Variants in LIMS1 observed in about 807,000 individuals in gnomAD.
LIMS1 encodes LIM and senescent cell antigen-like-containing domain protein 1.
Under a neutral mutation model 44.1 loss-of-function variants are expected in LIMS1, and 18 were observed. That is an observed-to-expected ratio of 0.41 (90% CI 0.28 to 0.61). LIMS1 has a LOEUF of 0.61. Among genes scored for constraint, LIMS1 ranks in the 20% least tolerant of loss-of-function variants. The pLI is 0.32. For missense variants in LIMS1, 201 were observed against 422.0 expected, an observed-to-expected ratio of 0.48 and a Z score of 4.59; for synonymous variants, 93 against 149.1, an observed-to-expected ratio of 0.62 and a Z score of 2.74.
chr2:108,625,864 G>A (rs1368480567), intron 1 of LIMS1, among the ~76,000 whole-genome samples: 1 of 152,190 alleles, frequency 6.6e-6, no homozygotes, highest in Non-Finnish European at 1.5e-5. Flanking sequence ...TCATTTTTAA[G>A]TGGTGGGAAT....
intron 5 of LIMS1, among the ~76,000 whole-genome samples, chr2:108,675,430 G>C (rs1271939989): frequency 7.6e-6 from 1 of 130,964 alleles, no homozygotes; most frequent in Non-Finnish European, 1.7e-5. Flanking sequence ...GAGCCTTCAT[G>C]ATGTAATCAC....
intron 1 of LIMS1, among the ~76,000 whole-genome samples, chr2:108,594,511 G>T (rs187997945): frequency 2.0e-5 from 3 of 152,106 alleles, no homozygotes; most frequent in African/African-American, 7.2e-5. Context: ...TTGGCTGGCC[G>T]ACAGGAGATC....
At chr2:108,552,250 T>C (rs1015908835) in intron 1 of LIMS1, among the ~76,000 whole-genome samples, 1 of 141,040 alleles carries the variant, frequency 7.1e-6, no homozygotes, top group East Asian at 2.0e-4. Context: ...CTATATATAC[T>C]ATATATACTA....
intron 1 of LIMS1, among the ~76,000 whole-genome samples, chr2:108,610,073 G>A (rs975517120): frequency 1.3e-5 from 2 of 152,070 alleles, no homozygotes; most frequent in African/African-American, 4.8e-5. Flanking sequence ...AACCTGGGAG[G>A]TGGAGCTTGC....
intron 1 of LIMS1, among the ~76,000 whole-genome samples, chr2:108,614,148 A>G (rs1025813554): frequency 2.0e-5 from 3 of 152,174 alleles, no homozygotes; most frequent in African/African-American, 7.2e-5. Context: ...GACTCTCCGC[A>G]TGTGACTTTT....
chr2:108,627,980 C>T (rs1181923423), intron 1 of LIMS1, among the ~76,000 whole-genome samples: 4 of 152,204 alleles, frequency 2.6e-5, no homozygotes, highest in Non-Finnish European at 5.9e-5. Context: ...TTTCTGGACA[C>T]CAGAAGTCAG....
At chr2:108,597,480 C>G (rs996092587) in intron 1 of LIMS1, among the ~76,000 whole-genome samples, 1 of 152,088 alleles carries the variant, frequency 6.6e-6, no homozygotes, top group Non-Finnish European at 1.5e-5. Context: ...CACTAGCAGT[C>G]ACTAGAGGGT....
intron 1 of LIMS1, among the ~76,000 whole-genome samples, chr2:108,654,415 G>C (rs1011269383): frequency 6.6e-6 from 1 of 151,954 alleles, no homozygotes; most frequent in African/African-American, 2.4e-5. Flanking sequence ...GCTGAGATTG[G>C]ACTGAGTACA....
At chr2:108,644,691 C>A (rs1406172739) in intron 1 of LIMS1, among the ~76,000 whole-genome samples, 1 of 152,030 alleles carries the variant, frequency 6.6e-6, no homozygotes, top group Non-Finnish European at 1.5e-5. Context: ...TAGGTAATAA[C>A]AAACTCCTCC....
In LIMS1 at chr2:108,600,872, T is replaced by A. The variant is rs544770381; in HGVS notation, c.33-58733T>A. Among the ~76,000 whole-genome samples the A allele has an allele frequency of 1.3e-3, 190 of 151,976 alleles. 2 individuals carry two copies. Among genetic ancestry groups the A allele is most frequent in the South Asian group, 0.012 (57 of 4,790 alleles). ...TATTCAGCTGTTTTGTGAATCCACATAAATTTTAGAATTGTTCGTTCTTCT... is the reference window on the plus strand; with the variant it reads ...TATTCAGCTGTTTTGTGAATCCACAAAAATTTTAGAATTGTTCGTTCTTCT... On this transcript the variant is annotated intron_variant, in intron 1 of 9. Coordinates refer to ENST00000544547, the Ensembl canonical transcript of LIMS1.
At chr2:108,610,985 T>C (rs1687568213) in intron 1 of LIMS1, among the ~76,000 whole-genome samples, 1 of 152,128 alleles carries the variant, frequency 6.6e-6, no homozygotes, top group Non-Finnish European at 1.5e-5. Context: ...ATGTCTTTTT[T>C]CTATGCCATC....
At chr2:108,611,181 A>G (rs979797531) in intron 1 of LIMS1, among the ~76,000 whole-genome samples, 1 of 152,238 alleles carries the variant, frequency 6.6e-6, no homozygotes, top group African/African-American at 2.4e-5. Flanking sequence ...ATAACTGTAT[A>G]GTAAGTTACA....
At chr2:108,557,723 C>T (rs1008652578) in intron 1 of LIMS1, among the ~76,000 whole-genome samples, 11 of 151,984 alleles carry the variant, frequency 7.2e-5, no homozygotes, top group Non-Finnish European at 1.5e-4. Context: ...ACCATGTTGC[C>T]CAGGCTGGTC....
chr2:108,667,645 C>G (rs1424535630), intron 2 of LIMS1, among the ~76,000 whole-genome samples: 2 of 149,250 alleles, frequency 1.3e-5, no homozygotes, highest in South Asian at 4.2e-4. Context: ...AAAAGTTGAT[C>G]ATTTCTAACT....
chr2:108,656,552 G>T (rs1690867566), intron 1 of LIMS1, among the ~76,000 whole-genome samples: 1 of 152,040 alleles, frequency 6.6e-6, no homozygotes, highest in Admixed American at 6.5e-5. Context: ...GTGCCAGAGG[G>T]TCAAAGGCAA....
intron 1 of LIMS1, among the ~76,000 whole-genome samples, chr2:108,578,940 G>T (rs1051340112): frequency 3.9e-5 from 6 of 152,092 alleles, no homozygotes; most frequent in Non-Finnish European, 7.4e-5. Flanking sequence ...GAAAAATGAT[G>T]ATGTAGGGAT....
At chr2:108,580,254 G>A (rs74467069) in intron 1 of LIMS1, among the ~76,000 whole-genome samples, 8 of 152,100 alleles carry the variant, frequency 5.3e-5, no homozygotes, top group Non-Finnish European at 1.2e-4. Flanking sequence ...TCCTCTAACT[G>A]CAGGGTGTTA....
At chr2:108,616,063 G>C (rs1201897641) in intron 1 of LIMS1, among the ~76,000 whole-genome samples, 1 of 152,060 alleles carries the variant, frequency 6.6e-6, no homozygotes, top group Non-Finnish European at 1.5e-5. Flanking sequence ...AATATACCTG[G>C]AAAATTTGCA....
In LIMS1 at chr2:108,669,467, C is replaced by G. The variant is rs559016469; in HGVS notation, c.193-1314C>G. On this transcript the variant is annotated intron_variant, in intron 2 of 9. Transcript: ENST00000544547. Reference sequence around the variant, plus strand: ...GCTTTGGTTGGTTCAACAGTAGGAACTGACTTTGCCAGTTAAGCTGTGGTA... The same window carrying G: ...GCTTTGGTTGGTTCAACAGTAGGAAGTGACTTTGCCAGTTAAGCTGTGGTA... Among the ~76,000 whole-genome samples, 4 of 152,066 alleles carry G rather than the reference C, an allele frequency of 2.6e-5. No homozygotes were observed. In the South Asian group the frequency reaches 8.3e-4, roughly 32 times the overall value.
Sources: allele counts gnomAD v4.1 joint callset (sites outside exome capture counted in the v4.1 genomes callset), GRCh38; gene constraint gnomAD v4.1.1; transcripts MANE v1.5; gene names NCBI Gene and HGNC (gene_info 2026-07-23, HGNC 2026-07-21).